SPIRE1: variants seen among roughly 807,000 people sequenced by gnomAD.
SPIRE1 encodes protein spire homolog 1.
In SPIRE1, 40 loss-of-function variants were observed where a neutral mutation model predicts 94.1. The ratio of observed to expected loss-of-function variants is 0.43; its 90% CI spans 0.33 to 0.55. The LOEUF (loss-of-function observed/expected upper bound fraction) is 0.55, where lower values mean the gene tolerates loss of function less well. Among genes scored for constraint, SPIRE1 ranks in the 20% least tolerant of loss-of-function variants. SPIRE1 has a pLI of 0.06. For missense variants in SPIRE1, 838 were observed against 975.2 expected (o/e 0.86, Z 1.87); for synonymous variants, 376 against 371.7 (o/e 1.01, Z -0.13).
chr18:12,556,331 CA>C (rs1203742908), intron 2 of SPIRE1, among the ~76,000 whole-genome samples: 1 of 152,014 alleles, frequency 6.6e-6, no homozygotes, highest in Admixed American at 6.5e-5. Context: ...TATGGAACCA[CA>C]AAAGATCCAG....
At chr18:12,656,733 AAACCCTG>A in intron 1 of SPIRE1, 1 of 973,452 alleles carries the variant, frequency 1.0e-6, no homozygotes. Flanking sequence ...GCATCTGAGT[AAACCCTG>A]GCTATAAATT....
At chr18:12,453,400 G>A (rs1410643063) in intron 13 of SPIRE1, among the ~76,000 whole-genome samples, 1 of 150,498 alleles carries the variant, frequency 6.6e-6, no homozygotes, top group Non-Finnish European at 1.5e-5. Context: ...TCTGCAGAAG[G>A]TTCTGAAAAA....
intron 8 of SPIRE1, among the ~76,000 whole-genome samples, chr18:12,488,199 C>T (rs1195009500): frequency 1.3e-5 from 2 of 152,206 alleles, no homozygotes; most frequent in Non-Finnish European, 2.9e-5. Context: ...TTTAAATCCT[C>T]TTCATATAAA....
At chr18:12,558,864 G>T (rs2035599435) in intron 2 of SPIRE1, among the ~76,000 whole-genome samples, 1 of 151,996 alleles carries the variant, frequency 6.6e-6, no homozygotes, top group Non-Finnish European at 1.5e-5. Context: ...GCTGACTCGT[G>T]CATCCACAAA....
At chr18:12,476,085 A>G (rs1170675310) in intron 10 of SPIRE1, among the ~76,000 whole-genome samples, 1 of 152,242 alleles carries the variant, frequency 6.6e-6, no homozygotes, top group Non-Finnish European at 1.5e-5. Flanking sequence ...GTGTTTTAGA[A>G]TAAACACAAT....
chr18:12,644,031 CAAAAA>C (rs72419037), intron 1 of SPIRE1, among the ~76,000 whole-genome samples: 6 of 132,214 alleles, frequency 4.5e-5, no homozygotes, highest in Admixed American at 7.9e-5. Flanking sequence ...CTGTCTCAAC[CAAAAA>C]AAAAAAAAAA....
At chr18:12,637,237 T>C (rs959409760) in intron 1 of SPIRE1, among the ~76,000 whole-genome samples, 6 of 151,968 alleles carry the variant, frequency 3.9e-5, no homozygotes, top group Admixed American at 3.9e-4. Context: ...CAAGTGCCTG[T>C]AGTCCCAGCT....
intron 2 of SPIRE1, among the ~76,000 whole-genome samples, chr18:12,600,722 CATT>C (rs2036810094): frequency 6.6e-6 from 1 of 151,928 alleles, no homozygotes; most frequent in Non-Finnish European, 1.5e-5. Flanking sequence ...AATACATTAT[CATT>C]ATTCTTTTTT....
Position 12,565,580 on chromosome 18 carries a change from G to A in SPIRE1, c.373-18676C>T, listed in dbSNP as rs141736840. Among the ~76,000 whole-genome samples the A allele has an allele frequency of 5.4e-3, 818 of 151,908 alleles. 6 individuals are homozygous for A. Among genetic ancestry groups the A allele is most frequent in the African/African-American group, 0.019 (787 of 41,456 alleles). On this transcript the variant is annotated intron_variant, in intron 2 of 16. Transcript: ENST00000409402. ...GTAGAGACGAGATTTCACCACGTTG[G>A]TCAAGCTGGTCTTGAATTCCTGACC...
intron 2 of SPIRE1, among the ~76,000 whole-genome samples, chr18:12,577,207 G>C (rs2036130363): frequency 6.6e-6 from 1 of 151,150 alleles, no homozygotes; most frequent in Admixed American, 6.6e-5. Flanking sequence ...GAGTGCAATG[G>C]TGCAATCTCG....
chr18:12,657,597 G>A lies in SPIRE1; in HGVS notation c.270C>T (p.Val90=), dbSNP rs866966302. 6 of 1,268,466 alleles carry A rather than the reference G, an allele frequency of 4.7e-6. No individual in the cohort carries two copies. The highest frequency in any genetic ancestry group is 2.8e-4 in the Middle Eastern group (1 of 3,532). The allele number at this position is 1,268,466 out of a possible 1,614,324, so 78.6% of individuals were successfully genotyped here. A position where few individuals can be genotyped will look rare whatever the true frequency, so the allele number is the denominator to read the frequency against. The change falls in exon 1 of 17, where the codon GTC becomes GTT. Residue 90 remains valine, a synonymous_variant. Transcript: ENST00000409402. ...HRVRSAAQIR[V]WRDGAVTLAP... ...CCAGGGTGACGGCGCCGTCCCTCCA[G>A]ACGCGGATCTGCGCGGCCGAGCGCA...
intron 12 of SPIRE1, among the ~76,000 whole-genome samples, chr18:12,454,938 CT>C (rs566657323): frequency 0.037 from 5,261 of 144,110 alleles, 114 homozygotes; most frequent in South Asian, 0.097. Flanking sequence ...TACAGTGGTC[CT>C]TTTTTTTTTT....
At chr18:12,472,113 T>C (rs2143687162) in intron 10 of SPIRE1, among the ~76,000 whole-genome samples, 1 of 152,240 alleles carries the variant, frequency 6.6e-6, no homozygotes. Flanking sequence ...ACAAGGATCA[T>C]AGCTGCTATC....
At position 12,449,754 on chromosome 18, in the gene SPIRE1, T is replaced by C; in HGVS notation, c.2155A>G (p.Ser719Gly). 1 of 1,614,140 alleles carries C rather than the reference T, an allele frequency of 6.2e-7. No individual in the cohort carries two copies. The highest frequency in any genetic ancestry group is 8.5e-7 in the Non-Finnish European group (1 of 1,180,034). The change falls in exon 17 of 17, where the codon AGT (serine) becomes GGT (glycine). Residue 719 changes from serine (S) to glycine (G), a missense_variant. By Grantham distance (56) the Ser-to-Gly change is moderately conservative. This residue lies in a region of SPIRE1 where 645 missense variants were observed against 804.7 expected (regional missense o/e 0.80). Coordinates refer to ENST00000409402, the MANE Select transcript of SPIRE1 (RefSeq NM_001128626.2). The stretch of plus-strand genomic sequence containing the variant: ...GCCCTTTTGTTGGCCAACACCAGAC[T>C]GCGCCGGCTTGAACTGATGATTTCC... ...ISEIISSSRR[S>G]LVLANKRARL...
At chr18:12,598,686 A>C (rs2036747731) in intron 2 of SPIRE1, among the ~76,000 whole-genome samples, 1 of 152,310 alleles carries the variant, frequency 6.6e-6, no homozygotes, top group East Asian at 1.9e-4. Flanking sequence ...GAAAGCATGC[A>C]GCCCTGATTG....
chr18:12,511,439 AG>A (rs1344809574), intron 5 of SPIRE1, among the ~76,000 whole-genome samples: 1 of 152,218 alleles, frequency 6.6e-6, no homozygotes, highest in African/African-American at 2.4e-5. Flanking sequence ...TGATGATCTG[AG>A]GTGGAACAGT....
chr18:12,635,571 T>G (rs2144820976), intron 1 of SPIRE1, among the ~76,000 whole-genome samples: 1 of 152,314 alleles, frequency 6.6e-6, no homozygotes, highest in South Asian at 2.1e-4. Context: ...ATGCTGACTG[T>G]TTTTCTTTAA....
chr18:12,529,361 T>TC (rs1436549180), intron 4 of SPIRE1, among the ~76,000 whole-genome samples: 1 of 140,016 alleles, frequency 7.1e-6, no homozygotes, highest in Non-Finnish European at 1.5e-5. Flanking sequence ...AGAGCAAGAC[T>TC]CCGTCTCAAA....
intron 1 of SPIRE1, among the ~76,000 whole-genome samples, chr18:12,641,818 A>T (rs2144851958): frequency 6.6e-6 from 1 of 151,764 alleles, no homozygotes. Context: ...TTTAAGGGAA[A>T]AAAGAATGTT....
Sources: allele counts gnomAD v4.1 joint callset (sites outside exome capture counted in the v4.1 genomes callset), GRCh38; gene constraint gnomAD v4.1.1; regional missense constraint gnomAD v4.1.1; transcripts MANE v1.5; gene names NCBI Gene and HGNC (gene_info 2026-07-23, HGNC 2026-07-21).